The following DLG1 variants were observed in gnomAD, a reference collection of about 807,000 sequenced individuals.
DLG1 encodes disks large homolog 1.
In DLG1, 42 loss-of-function variants were observed where a neutral mutation model predicts 123.4. The ratio of observed to expected loss-of-function variants is 0.34; its 90% CI spans 0.27 to 0.44. The LOEUF (loss-of-function observed/expected upper bound fraction) is 0.44. Ranked by LOEUF, DLG1 falls within the 20% of genes least tolerant of loss-of-function variation. The probability of loss-of-function intolerance (pLI) is 1.00; values close to 1 mark genes in which losing one functional copy is unlikely to be tolerated. For missense variants in DLG1, 942 were observed against 1,082.6 expected (o/e 0.87, Z 1.82); for synonymous variants, 317 against 356.2 (o/e 0.89, Z 1.24).
At chr3:197,115,063 A>T (rs572595661) in intron 13 of DLG1, among the ~76,000 whole-genome samples, 1 of 152,046 alleles carries the variant, frequency 6.6e-6, no homozygotes, top group Admixed American at 6.6e-5. Flanking sequence ...TAACTGTACA[A>T]TCCAAATGCT....
Position 197,042,864 on chromosome 3 carries a change from T to A in DLG1, c.*1759A>T, listed in dbSNP as rs1248686184. 2 of 148,884 alleles carry A rather than the reference T, an allele frequency of 1.3e-5. No individual in the cohort carries two copies. The highest frequency in any genetic ancestry group is 3.0e-5 in the Non-Finnish European group (2 of 67,506). 9.2% of individuals were successfully genotyped at this position (148,884 alleles called of 1,614,324 possible). On this transcript the variant is annotated 3_prime_UTR_variant, in exon 25 of 25. Transcript: ENST00000667157. The stretch of plus-strand genomic sequence containing the variant: ...AAGTTACATGATGCCTCAAATTGTT[T>A]CAAGAAAATGTTAGCTTGCAAAATA...
At chr3:197,265,417 T>C (rs1050236228) in intron 4 of DLG1, among the ~76,000 whole-genome samples, 2 of 152,158 alleles carry the variant, frequency 1.3e-5, no homozygotes, top group Non-Finnish European at 2.9e-5. Flanking sequence ...AAAAGTTTCC[T>C]GGCTGTAGCA....
At chr3:197,181,882 T>C (rs1023917321) in intron 5 of DLG1, among the ~76,000 whole-genome samples, 1 of 152,196 alleles carries the variant, frequency 6.6e-6, no homozygotes, top group Non-Finnish European at 1.5e-5. Flanking sequence ...GGGTGGGGGC[T>C]GTCATGTAAA....
chr3:197,196,892 T>A (rs1379074804), intron 4 of DLG1, among the ~76,000 whole-genome samples: 2 of 152,192 alleles, frequency 1.3e-5, no homozygotes, highest in Admixed American at 1.3e-4. Context: ...GTTTAAACAT[T>A]TTTAAGCAAC....
intron 11 of DLG1, among the ~76,000 whole-genome samples, chr3:197,121,337 G>T (rs1776258909): frequency 6.6e-6 from 1 of 152,050 alleles, no homozygotes; most frequent in African/African-American, 2.4e-5. Flanking sequence ...AAGCACAAGA[G>T]TGCCTAATTC....
chr3:197,119,860 C>T (rs57692851), intron 11 of DLG1, among the ~76,000 whole-genome samples: 2,436 of 152,312 alleles, frequency 0.016, 69 homozygotes, highest in African/African-American at 0.054. Flanking sequence ...TGCGAAAAGA[C>T]TATGTCCTTA....
rs1365475073 is a variant in DLG1 at position 197,297,226 on chromosome 3, G to A, written c.-22C>T. On this transcript the variant is annotated 5_prime_UTR_variant, in exon 2 of 25. Coordinates refer to ENST00000667157, the MANE Select transcript of DLG1 (RefSeq NM_001366207.1). ...GCATTTTTCTCCAGAATCAGGAAGA[G>A]GGCACACACCTTTAAAACACACAAC... is the stretch of plus-strand genomic sequence containing the variant. 1 of 1,613,988 alleles carries A rather than the reference G, an allele frequency of 6.2e-7. No individual in the cohort carries two copies. The highest frequency in any genetic ancestry group is 8.5e-7 in the Non-Finnish European group (1 of 1,180,000).
chr3:197,181,486 G>A (rs1711867220), intron 5 of DLG1, among the ~76,000 whole-genome samples: 1 of 152,070 alleles, frequency 6.6e-6, no homozygotes, highest in African/African-American at 2.4e-5. Flanking sequence ...CCTTAGTGCT[G>A]CAAAAGAAAG....
chr3:197,152,762 C>CCA (rs772635644), intron 5 of DLG1, among the ~76,000 whole-genome samples: 2 of 52,532 alleles, frequency 3.8e-5, no homozygotes, highest in Non-Finnish European at 7.0e-5. Flanking sequence ...GACTCTGTCT[C>CCA]AAAAAAAAAA....
chr3:197,056,221 A>G (rs77031112), intron 23 of DLG1, among the ~76,000 whole-genome samples: 5,612 of 152,282 alleles, frequency 0.037, 163 homozygotes, highest in South Asian at 0.051. Context: ...GGGGAGACAG[A>G]TTCCCAGAGC....
intron 5 of DLG1, among the ~76,000 whole-genome samples, chr3:197,154,358 C>CT (rs562413677): frequency 5.1e-4 from 77 of 151,542 alleles, no homozygotes; most frequent in Non-Finnish European, 2.4e-4. Context: ...GATAGCAAAT[C>CT]TACTAGACAA....
chr3:197,127,488 ATATATAT>A (rs1180095790), intron 11 of DLG1, among the ~76,000 whole-genome samples: 2,477 of 77,048 alleles, frequency 0.032, 105 homozygotes, highest in South Asian at 0.055. Context: ...ATATATATAT[ATATATAT>A]AAAGTAAGAA....
intron 15 of DLG1, among the ~76,000 whole-genome samples, chr3:197,089,189 G>T (rs909823656): frequency 6.6e-6 from 1 of 152,164 alleles, no homozygotes; most frequent in Admixed American, 6.5e-5. Context: ...GGCTGGTGCC[G>T]GTGACAGTTG....
At chr3:197,157,897 A>T (rs1287677459) in intron 5 of DLG1, among the ~76,000 whole-genome samples, 1 of 152,196 alleles carries the variant, frequency 6.6e-6, no homozygotes, top group East Asian at 1.9e-4. Context: ...ACAATTATCA[A>T]CCTACAATGG....
At chr3:197,050,448 A>ATGTG (rs1726762079) in intron 24 of DLG1, among the ~76,000 whole-genome samples, 1 of 152,212 alleles carries the variant, frequency 6.6e-6, no homozygotes, top group African/African-American at 2.4e-5. Context: ...GTATGTATGT[A>ATGTG]TGCATGCATA....
intron 4 of DLG1, among the ~76,000 whole-genome samples, chr3:197,229,509 T>A (rs1222966652): frequency 6.7e-6 from 1 of 150,176 alleles, no homozygotes; most frequent in African/African-American, 2.4e-5. Context: ...TGTTAACCTG[T>A]AGCTTTTTAT....
rs757193508 is a variant in DLG1, at chr3:197,044,591, T to C, written c.*32A>G. ...AAAGAGATGCCAAAGAAAATGGAAT[T>C]GTGGAAAAGAGAAACAGAGAAACAT... On this transcript the variant is annotated 3_prime_UTR_variant, in exon 25 of 25. Coordinates refer to ENST00000667157, the MANE Select transcript of DLG1 (RefSeq NM_001366207.1). The C allele has an allele frequency of 7.5e-6, 11 of 1,476,438 alleles. No individual in the cohort carries two copies. Among genetic ancestry groups the C allele is most frequent in the African/African-American group, 1.4e-5 (1 of 71,782 alleles). The allele number at this position is 1,476,438 out of a possible 1,614,324, so 91.5% of individuals were successfully genotyped here.
intron 23 of DLG1, among the ~76,000 whole-genome samples, chr3:197,057,047 T>G (rs928805080): frequency 6.6e-6 from 1 of 151,902 alleles, no homozygotes; most frequent in Admixed American, 6.6e-5. Context: ...CCTGATAGTA[T>G]TTGGGTAGTT....
intron 3 of DLG1, among the ~76,000 whole-genome samples, chr3:197,288,362 C>CAAAAAAAAAAAA (rs1290725400): frequency 1.3e-4 from 6 of 45,456 alleles, no homozygotes; most frequent in Non-Finnish European, 2.0e-4. Flanking sequence ...GACTCCGTCT[C>CAAAAAAAAAAAA]AAAAAAAAAA....
Sources: gnomAD v4.1 joint callset for allele counts (sites outside exome capture counted in the v4.1 genomes callset) on GRCh38, gnomAD v4.1.1 for gene constraint, MANE v1.5 for transcripts, NCBI Gene and HGNC (gene_info 2026-07-23, HGNC 2026-07-21) for gene names.